The following SHC4 variants were observed in gnomAD, a reference collection of about 807,000 sequenced individuals.
SHC4 encodes SHC adaptor protein 4.
A neutral mutation model predicts 69.4 loss-of-function variants in SHC4; 41 were observed. The observed-to-expected ratio is 0.59, with a 90% CI of 0.46 to 0.77. The LOEUF is 0.77. Among genes scored for constraint, SHC4 ranks in the 30% least tolerant of loss-of-function variants. The pLI, the probability that SHC4 is intolerant of heterozygous loss-of-function variation, is 0.00. For synonymous variants in SHC4, 318 were observed against 299.3 expected (o/e 1.06, Z -0.64); for missense variants, 777 against 783.8 (o/e 0.99, Z 0.10).
chr15:48,924,833 CT>C, intron 2 of SHC4, 45 bp downstream of exon 2: 1 of 1,590,784 alleles, frequency 6.3e-7, no homozygotes, highest in Non-Finnish European at 8.6e-7. Context: ...ATTATTGTGA[CT>C]TTAAACCATA....
chr15:48,924,849 T>G, intron 2 of SHC4, 30 bp downstream of exon 2: 2 of 1,610,742 alleles, frequency 1.2e-6, no homozygotes, highest in Non-Finnish European at 1.7e-6. Context: ...ACCATACTCC[T>G]CAAAGCCCCT....
chr15:48,928,117 C>T (rs1251407906), intron 1 of SHC4, among the ~76,000 whole-genome samples: 8 of 152,148 alleles, frequency 5.3e-5, no homozygotes, highest in Non-Finnish European at 2.9e-5. Flanking sequence ...CTGGTCTCTC[C>T]ACCCAGGAGT....
At chr15:48,914,517 T>C (rs17468485) in intron 2 of SHC4, among the ~76,000 whole-genome samples, 32,179 of 152,242 alleles carry the variant, frequency 0.21, 4,719 homozygotes, top group Non-Finnish European at 0.3. Context: ...TCTCTGCCAG[T>C]GTGGCTTTTG....
At chr15:48,904,394 A>C (rs1900369186) in intron 2 of SHC4, among the ~76,000 whole-genome samples, 1 of 152,206 alleles carries the variant, frequency 6.6e-6, no homozygotes, top group South Asian at 2.1e-4. Flanking sequence ...TAAATTAATA[A>C]TAAACTGCTA....
At chr15:48,938,322 T>G (rs1257772417) in intron 1 of SHC4, 1 of 152,224 alleles carries the variant, frequency 6.6e-6, no homozygotes, top group African/African-American at 2.4e-5. Context: ...GAAGAACAAC[T>G]GAATAATTGA....
chr15:48,914,918 C>T (rs1212143752), intron 2 of SHC4, among the ~76,000 whole-genome samples: 1 of 152,182 alleles, frequency 6.6e-6, no homozygotes, highest in Admixed American at 6.5e-5. Context: ...GTAACTCCCC[C>T]TACTGCCTGA....
chr15:48,836,412 T>C (rs1437875614), intron 10 of SHC4, among the ~76,000 whole-genome samples: 3 of 152,192 alleles, frequency 2.0e-5, no homozygotes, highest in Non-Finnish European at 2.9e-5. Flanking sequence ...CTAATCTTAC[T>C]TGGGGTAGCC....
chr15:48,954,063 G>A (rs190706928), intron 1 of SHC4, among the ~76,000 whole-genome samples: 3 of 152,174 alleles, frequency 2.0e-5, no homozygotes, highest in Non-Finnish European at 4.4e-5. Context: ...TCTACATCCC[G>A]GGTTCATACA....
intron 4 of SHC4, chr15:48,878,078 T>A (rs1009698731): frequency 8.2e-6 from 12 of 1,460,270 alleles, no homozygotes; most frequent in East Asian, 4.6e-5. Context: ...GCGCGCGGGG[T>A]TACGCAAGCG....
At chr15:48,881,849 C>T (rs903441927) in intron 4 of SHC4, among the ~76,000 whole-genome samples, 1 of 152,002 alleles carries the variant, frequency 6.6e-6, no homozygotes, top group Non-Finnish European at 1.5e-5. Context: ...TTGCAAGCAT[C>T]GCATGTTTAA....
intron 1 of SHC4, among the ~76,000 whole-genome samples, chr15:48,949,440 G>A (rs1901330944): frequency 6.6e-6 from 1 of 150,474 alleles, no homozygotes; most frequent in Non-Finnish European, 1.5e-5. Context: ...ATTCTTCCAC[G>A]ATCTCTCTAT....
chr15:48,873,516 G>A (rs1307229044), intron 4 of SHC4, among the ~76,000 whole-genome samples: 6 of 152,190 alleles, frequency 3.9e-5, no homozygotes, highest in African/African-American at 1.4e-4. Flanking sequence ...AGGCCGTGGC[G>A]GGCGGATCAT....
chr15:48,879,364 C>G (rs1051601991), intron 4 of SHC4: 6 of 167,084 alleles, frequency 3.6e-5, no homozygotes, highest in Non-Finnish European at 7.3e-5. Context: ...GTACATGTAT[C>G]TTGATCATTT....
chr15:48,890,772 T>C lies in SHC4; in HGVS notation c.696A>G (p.Ala232=). 6.2e-7 allele frequency: 1 copy of C among 1,614,224 alleles called. No individual in the cohort carries two copies. Among genetic ancestry groups the C allele is most frequent in the Non-Finnish European group, 8.5e-7 (1 of 1,180,038 alleles). ...CCTTTCGCTTTTTAATGGCTCCATT[T>C]GCCCCGGGGACAGCTTCACACAGGC... ...ISRLCEAVPG[A]NGAIKKRKPP... The change falls in exon 3 of 12, where the codon GCA becomes GCG. Residue 232 remains alanine, a synonymous_variant. Transcript: ENST00000332408.
chr15:48,950,955 TG>T, intron 1 of SHC4, among the ~76,000 whole-genome samples: 1 of 152,072 alleles, frequency 6.6e-6, no homozygotes, highest in Non-Finnish European at 1.5e-5. Flanking sequence ...CTCTCTCTCC[TG>T]GAAACTCTCT....
intron 4 of SHC4, chr15:48,878,669 C>A: frequency 6.2e-7 from 1 of 1,613,972 alleles, no homozygotes; most frequent in Non-Finnish European, 8.5e-7. Flanking sequence ...TATCGAAGAG[C>A]TTTTTTCACT....
chr15:48,857,866 A>G, intron 6 of SHC4, 51 bp from the exon 7 acceptor site: 1 of 1,401,920 alleles, frequency 7.1e-7, no homozygotes, highest in Non-Finnish European at 9.4e-7. Flanking sequence ...TTAGAAAGAG[A>G]AGATTACATA....
chr15:48,892,788 G>A (rs1248022324), intron 2 of SHC4, among the ~76,000 whole-genome samples: 5 of 150,266 alleles, frequency 3.3e-5, no homozygotes, highest in Middle Eastern at 3.4e-3. Context: ...TCTTGAAGCC[G>A]AGAGGCAGAG....
rs940960298 is a variant in SHC4 at position 48,950,263 on chromosome 15, T to G, written c.585+12168A>C. ...TATTAAATTTCATATATATTTTAGA[T>G]AATATATAAAATTACATATATATAT... On this transcript the variant is annotated intron_variant, in intron 1 of 11. Coordinates refer to ENST00000332408, the MANE Select transcript of SHC4 (RefSeq NM_203349.4). Among the ~76,000 whole-genome samples, 13 of 147,400 alleles carry G rather than the reference T, an allele frequency of 8.8e-5. No individual in the cohort carries two copies. The Admixed American group carries it at 8.9e-4, about 10-fold the overall frequency.
Sources: gnomAD v4.1 joint callset for allele counts (sites outside exome capture counted in the v4.1 genomes callset) on GRCh38, gnomAD v4.1.1 for gene constraint, MANE v1.5 for transcripts, NCBI Gene and HGNC (gene_info 2026-07-23, HGNC 2026-07-21) for gene names.